RMST: variants seen among roughly 807,000 people sequenced by gnomAD.
RMST encodes rhabdomyosarcoma 2 associated transcript.
intron 4 of RMST, among the ~76,000 whole-genome samples, chr12:97,463,871 A>G (rs1247191185): frequency 1.3e-5 from 2 of 152,156 alleles, no homozygotes; most frequent in African/African-American, 4.8e-5. Context: ...TTTGGAAATT[A>G]GTTGGTTTTT....
At chr12:97,490,559 A>G (rs1876675148) in intron 5 of RMST, among the ~76,000 whole-genome samples, 1 of 152,104 alleles carries the variant, frequency 6.6e-6, no homozygotes, top group Non-Finnish European at 1.5e-5. Context: ...TATCATAAGG[A>G]TGTTTGCTAT....
At chr12:97,531,497 G>C (rs940447786) in intron 11 of RMST, among the ~76,000 whole-genome samples, 2 of 151,976 alleles carry the variant, frequency 1.3e-5, no homozygotes, top group African/African-American at 4.8e-5. Context: ...GAATATTTAA[G>C]ATTTGAGGAG....
At chr12:97,485,338 T>G (rs571173235) in intron 5 of RMST, among the ~76,000 whole-genome samples, 2 of 152,348 alleles carry the variant, frequency 1.3e-5, no homozygotes, top group East Asian at 3.9e-4. Flanking sequence ...CTACTCTATA[T>G]GCAGTTTTTG....
chr12:97,506,765 C>T (rs1037001680), intron 10 of RMST, among the ~76,000 whole-genome samples: 5 of 145,910 alleles, frequency 3.4e-5, no homozygotes, highest in Non-Finnish European at 7.4e-5. Flanking sequence ...CTCACTGCAA[C>T]CTCTGCCTCC....
intron 11 of RMST, among the ~76,000 whole-genome samples, chr12:97,545,645 A>G (rs780287705): frequency 4.6e-5 from 7 of 152,118 alleles, no homozygotes; most frequent in Non-Finnish European, 1.0e-4. Flanking sequence ...TTTTCTAGCA[A>G]GTAGAAATGC....
At chr12:97,564,597 G>C (rs746453136) in exon 14 of RMST, 5 of 152,210 alleles carry the variant, frequency 3.3e-5, no homozygotes, top group Non-Finnish European at 7.3e-5. Flanking sequence ...ATTAAATGAA[G>C]TAATGCATAC....
In RMST at chr12:97,553,523, C is replaced by G. The variant is rs142960647; in HGVS notation, n.1546-7014C>G. 5.2e-3 allele frequency among the ~76,000 whole-genome samples: 796 copies of G among 152,258 alleles called. 5 individuals are homozygous for G. Among genetic ancestry groups the G allele is most frequent in the African/African-American group, 0.018 (748 of 41,548 alleles). ...AGATGTCTATCAACAACTCTTAGCT[C>G]ATAGCTCTAGAAGGTGGTTGCAGGT... On this transcript the variant is annotated intron_variant and non_coding_transcript_variant, in intron 11 of 13. Coordinates refer to ENST00000640149, the Ensembl canonical transcript of RMST.
At chr12:97,561,352 T>C (rs556853773) in intron 13 of RMST, among the ~76,000 whole-genome samples, 2 of 152,346 alleles carry the variant, frequency 1.3e-5, no homozygotes, top group South Asian at 4.1e-4. Context: ...TCTGTGTCTG[T>C]ATGTGCCCTT....
chr12:97,480,117 G>A (rs191514373), intron 5 of RMST, among the ~76,000 whole-genome samples: 60 of 143,628 alleles, frequency 4.2e-4, no homozygotes, highest in Non-Finnish European at 5.7e-4. Context: ...TTGAGACAGA[G>A]TTTCGCTCTG....
At chr12:97,534,724 C>T (rs1182622903) in intron 11 of RMST, among the ~76,000 whole-genome samples, 1 of 151,730 alleles carries the variant, frequency 6.6e-6, no homozygotes, top group Non-Finnish European at 1.5e-5. Flanking sequence ...ACCTAATCCA[C>T]CCAGTCCCAG....
Position 97,499,893 on chromosome 12 carries a change from G to C in RMST, n.1340+3837G>C, listed in dbSNP as rs556070988. ...AGGCTGGTTTTGAGCTCCTGACCTC[G>C]GGCGATCTGCCTGCCTTGGCCTCCC... On this transcript the variant is annotated intron_variant and non_coding_transcript_variant, in intron 10 of 13. Transcript: ENST00000640149. Among the ~76,000 whole-genome samples, 726 of 151,996 alleles carry C rather than the reference G, an allele frequency of 4.8e-3. 7 individuals are homozygous for C. The highest frequency in any genetic ancestry group is 0.017 in the African/African-American group (686 of 41,494).
intron 10 of RMST, among the ~76,000 whole-genome samples, chr12:97,511,780 G>A (rs1186540200): frequency 6.6e-6 from 1 of 152,034 alleles, no homozygotes; most frequent in Non-Finnish European, 1.5e-5. Flanking sequence ...GAAACTAGGG[G>A]GTATGAAAAT....
At chr12:97,479,275 G>T (rs1044644155) in intron 5 of RMST, among the ~76,000 whole-genome samples, 1 of 150,934 alleles carries the variant, frequency 6.6e-6, no homozygotes, top group Non-Finnish European at 1.5e-5. Flanking sequence ...AAGGAGCTAG[G>T]ACTACAGGTG....
chr12:97,482,659 ATT>A (rs1461231723), intron 5 of RMST, among the ~76,000 whole-genome samples: 2 of 142,988 alleles, frequency 1.4e-5, no homozygotes, highest in Admixed American at 1.4e-4. Context: ...TATTTAATAA[ATT>A]TATTTATTTA....
intron 9 of RMST, chr12:97,495,006 A>T (rs1319283050): frequency 6.6e-6 from 1 of 152,152 alleles, no homozygotes; most frequent in Non-Finnish European, 1.5e-5. Flanking sequence ...CTTCATATAC[A>T]ATTATTTAAA....
chr12:97,505,485 G>A (rs1441838902), intron 10 of RMST, among the ~76,000 whole-genome samples: 1 of 152,194 alleles, frequency 6.6e-6, no homozygotes, highest in Non-Finnish European at 1.5e-5. Flanking sequence ...TAACATTTGT[G>A]TTCTGCAGTA....
At position 97,559,585 on chromosome 12, in the gene RMST, A is replaced by C. The variant is rs1024921162; in HGVS notation, n.1546-952A>C. Among the ~76,000 whole-genome samples the C allele has an allele frequency of 2.6e-5, 4 of 152,156 alleles. No homozygotes were observed. The East Asian group carries it at 7.7e-4, about 29-fold the overall frequency. On this transcript the variant is annotated intron_variant and non_coding_transcript_variant, in intron 11 of 13. Coordinates refer to ENST00000640149, the Ensembl canonical transcript of RMST. ...TAATATTATAGTCAGGAATATCAACACTGGGATCAAAATTAAACCAACGTC... is the reference window on the plus strand; with the variant it reads ...TAATATTATAGTCAGGAATATCAACCCTGGGATCAAAATTAAACCAACGTC...
intron 5 of RMST, among the ~76,000 whole-genome samples, chr12:97,468,993 A>T (rs998584395): frequency 6.6e-6 from 1 of 151,922 alleles, no homozygotes; most frequent in African/African-American, 2.4e-5. Flanking sequence ...TGATTTATAC[A>T]TCATCATGAA....
intron 10 of RMST, among the ~76,000 whole-genome samples, chr12:97,496,228 T>C (rs5025994): frequency 0.84 from 127,878 of 151,960 alleles, 54,304 homozygotes; most frequent in African/African-American, 0.94. Flanking sequence ...ATTTCACTTT[T>C]GAGGATTAAC....
Sources: gnomAD v4.1 joint callset for allele counts (sites outside exome capture counted in the v4.1 genomes callset) on GRCh38, gnomAD v4.1.1 for gene constraint, MANE v1.5 for transcripts, NCBI Gene and HGNC (gene_info 2026-07-23, HGNC 2026-07-21) for gene names.